PCDHGA2: variants seen among roughly 807,000 people sequenced by gnomAD.
PCDHGA2 encodes the protein protocadherin gamma-A2.
Under a neutral mutation model 59.2 loss-of-function variants are expected in PCDHGA2, and 40 were observed. That is an observed-to-expected ratio of 0.68 (90% CI 0.52 to 0.88). PCDHGA2 has a LOEUF of 0.88. Among genes scored for constraint, PCDHGA2 ranks in the 40% least tolerant of loss-of-function variants. The probability of loss-of-function intolerance (pLI) is 0.00; values close to 1 mark genes in which losing one functional copy is unlikely to be tolerated. For missense variants in PCDHGA2, 1,226 were observed against 1,204.0 expected (o/e 1.02, Z -0.27); for synonymous variants, 560 against 526.0 (o/e 1.06, Z -0.89).
intron 1 of PCDHGA2, chr5:141,394,550 C>T (rs1389907024): frequency 9.3e-6 from 15 of 1,614,014 alleles, no homozygotes; most frequent in South Asian, 7.7e-5. Flanking sequence ...AGCTGGCGCC[C>T]CGCTCCGCAG....
At chr5:141,468,330 CAAA>C (rs533390277) in intron 1 of PCDHGA2, 32,113 of 79,068 alleles carry the variant, frequency 0.41, 3,870 homozygotes, top group African/African-American at 0.52. Flanking sequence ...AACTCCATCT[CAAA>C]AAAAAAAAAA....
intron 1 of PCDHGA2, among the ~76,000 whole-genome samples, chr5:141,448,706 C>T (rs1344013319): frequency 1.3e-5 from 2 of 151,730 alleles, no homozygotes; most frequent in African/African-American, 2.4e-5. Flanking sequence ...TTTGGGAGGC[C>T]GAGGCGGGAG....
chr5:141,454,860 T>G (rs62379170), intron 1 of PCDHGA2, among the ~76,000 whole-genome samples: 5,850 of 133,200 alleles, frequency 0.044, 153 homozygotes, highest in Middle Eastern at 0.11. Context: ...CAGGCTGGAG[T>G]GCAGTGGCAC....
intron 1 of PCDHGA2, chr5:141,360,695 A>G (rs772748568): frequency 3.1e-6 from 5 of 1,613,988 alleles, no homozygotes; most frequent in Non-Finnish European, 3.4e-6. Flanking sequence ...CAGACTCCAG[A>G]TGGTCGTAAA....
Position 141,412,258 on chromosome 5 carries a change from C to T in PCDHGA2, c.2424+70863C>T, listed in dbSNP as rs569698099. 5.8e-4 allele frequency: 88 copies of T among 152,314 alleles called. 1 individual carries two copies. The highest frequency in any genetic ancestry group is 2.0e-3 in the African/African-American group (83 of 41,568). 9.4% of individuals were successfully genotyped at this position (152,314 alleles called of 1,614,324 possible). On this transcript the variant is annotated intron_variant, in intron 1 of 3. Transcript: ENST00000394576. Reference sequence around the variant, plus strand: ...ATATCACTACATCTAACTTTGTTTTCTAAAACTTTTAGTACTTCAAATTCT... The same window carrying T: ...ATATCACTACATCTAACTTTGTTTTTTAAAACTTTTAGTACTTCAAATTCT...
At chr5:141,412,273 C>T (rs1007252273) in intron 1 of PCDHGA2, 4 of 152,206 alleles carry the variant, frequency 2.6e-5, no homozygotes, top group Admixed American at 6.5e-5. Flanking sequence ...ACTTTTAGTA[C>T]TTCAAATTCT....
Position 141,364,550 on chromosome 5 carries a change from C to A in PCDHGA2, c.2424+23155C>A, listed in dbSNP as rs1257524038. On this transcript the variant is annotated intron_variant, in intron 1 of 3. Coordinates refer to ENST00000394576, the MANE Select transcript of PCDHGA2 (RefSeq NM_018915.4). ...CATCGTCTCCAGAGGTAGGACGCAG[C>A]TTTTTGCCCTGAACCCGCGAAGCGG... The A allele has an allele frequency of 3.1e-6, 5 of 1,613,922 alleles. No homozygotes were observed. The Admixed American group carries it at 5.0e-5, about 16-fold the overall frequency.
intron 1 of PCDHGA2, chr5:141,403,131 C>T: frequency 5.6e-6 from 9 of 1,614,034 alleles, no homozygotes; most frequent in Non-Finnish European, 6.8e-6. Context: ...CGGGAGCTGG[C>T]GGAGCGCCGA....
At chr5:141,376,228 A>G (rs762009445) in intron 1 of PCDHGA2, 17 of 1,613,956 alleles carry the variant, frequency 1.1e-5, no homozygotes, top group Admixed American at 3.3e-5. Context: ...TGGCGCTCAG[A>G]CTGCAGCGCT....
Position 141,477,310 on chromosome 5 carries a change from C to T in PCDHGA2, c.2425-17497C>T. On this transcript the variant is annotated intron_variant, in intron 1 of 3. Coordinates refer to ENST00000394576, the MANE Select transcript of PCDHGA2 (RefSeq NM_018915.4). This position sits in a 1 kb window ranked among gnomAD's most constrained non-coding sequence, Gnocchi z 4.9. ...AAGTTCCACCGGGTCTCCCTTTCAGCCTTACTTCTTCCCTCAAGAATTACT... is the reference window on the plus strand; with the variant it reads ...AAGTTCCACCGGGTCTCCCTTTCAGTCTTACTTCTTCCCTCAAGAATTACT... The T allele has an allele frequency of 6.2e-7, 1 of 1,614,154 alleles. No homozygotes were observed. Among genetic ancestry groups the T allele is most frequent in the Non-Finnish European group, 8.5e-7 (1 of 1,180,018 alleles).
At chr5:141,354,565 G>A (rs942106227) in intron 1 of PCDHGA2, among the ~76,000 whole-genome samples, 2 of 152,192 alleles carry the variant, frequency 1.3e-5, no homozygotes, top group African/African-American at 2.4e-5. Context: ...GAGGAAACTT[G>A]TTACTGCATA....
At position 141,491,766 on chromosome 5, in the gene PCDHGA2, T is replaced by G. The variant is rs772444495; in HGVS notation, c.2425-3041T>G. On this transcript the variant is annotated intron_variant, in intron 1 of 3. Coordinates refer to ENST00000394576, the MANE Select transcript of PCDHGA2 (RefSeq NM_018915.4). This position sits in a 1 kb window ranked among gnomAD's most constrained non-coding sequence, Gnocchi z 6.9. ...GCACTGGAGAAGCCGCCCGTCCTCA[T>G]AAGGGATTGAACTTGCATCCACTCC... The G allele has an allele frequency of 1.9e-6, 3 of 1,567,856 alleles. No homozygotes were observed. Among genetic ancestry groups the G allele is most frequent in the Non-Finnish European group, 8.6e-7 (1 of 1,158,088 alleles).
chr5:141,492,880 T>C (rs1204475362), intron 1 of PCDHGA2, among the ~76,000 whole-genome samples: 2 of 152,184 alleles, frequency 1.3e-5, no homozygotes, highest in African/African-American at 4.8e-5. Context: ...CCCCCAGAGA[T>C]ACAGGCTTTT....
intron 3 of PCDHGA2, among the ~76,000 whole-genome samples, chr5:141,509,164 C>A (rs1454864362): frequency 6.6e-6 from 1 of 152,188 alleles, no homozygotes; most frequent in Non-Finnish European, 1.5e-5. Context: ...TCCCGTGTGC[C>A]CTCCTCCTCT....
intron 1 of PCDHGA2, chr5:141,366,082 T>C (rs1228073481): frequency 1.2e-6 from 2 of 1,614,246 alleles, no homozygotes; most frequent in East Asian, 2.2e-5. Context: ...CCGCAGAACC[T>C]GGCTACCTGG....
chr5:141,487,633 T>C lies in PCDHGA2; in HGVS notation c.2425-7174T>C. On this transcript the variant is annotated intron_variant, in intron 1 of 3. Transcript: ENST00000394576. The surrounding 1 kb of genome is among the most constrained non-coding windows in gnomAD (Gnocchi z 5.0). ...GGCTAGAGGTGAGACCTTTGCAGGCTCAACAAATGCTTGAGGGTTATTCTG... is the reference window on the plus strand; with the variant it reads ...GGCTAGAGGTGAGACCTTTGCAGGCCCAACAAATGCTTGAGGGTTATTCTG... 3 of 1,614,164 alleles carry C rather than the reference T, an allele frequency of 1.9e-6. No individual in the cohort carries two copies. The highest frequency in any genetic ancestry group is 2.7e-5 in the African/African-American group (2 of 75,052).
chr5:141,478,711 T>C, intron 1 of PCDHGA2: 3 of 1,547,346 alleles, frequency 1.9e-6, no homozygotes, highest in Non-Finnish European at 1.7e-6. Flanking sequence ...CTTTGTGAGA[T>C]GGTGGCCTGC....
chr5:141,354,945 A>T, intron 1 of PCDHGA2: 1 of 425,942 alleles, frequency 2.3e-6, no homozygotes, highest in East Asian at 3.5e-5. Flanking sequence ...ACCAAGAATA[A>T]ATTGCAGTAA....
At chr5:141,457,522 G>A (rs1200640017) in intron 1 of PCDHGA2, among the ~76,000 whole-genome samples, 1 of 152,188 alleles carries the variant, frequency 6.6e-6, no homozygotes, top group Non-Finnish European at 1.5e-5. Flanking sequence ...AACAATTAAT[G>A]AGACTAGGGT....
Sources: allele counts gnomAD v4.1 joint callset (sites outside exome capture counted in the v4.1 genomes callset), GRCh38; gene constraint gnomAD v4.1.1; non-coding constraint Gnocchi (gnomAD v3.1); transcripts MANE v1.5; gene names NCBI Gene and HGNC (gene_info 2026-07-23, HGNC 2026-07-21).